IL1RAPL2: variants seen among roughly 807,000 people sequenced by gnomAD.
IL1RAPL2 encodes interleukin 1 receptor accessory protein like 2.
Under a neutral mutation model 44.1 loss-of-function variants are expected in IL1RAPL2, and 3 were observed. That is an observed-to-expected ratio of 0.07 (90% CI 0.03 to 0.18). The LOEUF (loss-of-function observed/expected upper bound fraction) is 0.18. Among genes scored for constraint, IL1RAPL2 ranks in the 10% least tolerant of loss-of-function variants. The pLI is 1.00. For missense variants in IL1RAPL2, 391 were observed against 496.4 expected (o/e 0.79, Z 2.02); for synonymous variants, 181 against 178.8 (o/e 1.01, Z -0.10).
At chrX:104,890,750 C>T (rs908589599) in intron 2 of IL1RAPL2, among the ~76,000 whole-genome samples, 1 of 111,616 alleles carries the variant, frequency 9.0e-6, no homozygotes, top group African/African-American at 3.3e-5. Flanking sequence ...CTATAGGTTG[C>T]CTGTTCACTC....
intron 4 of IL1RAPL2, among the ~76,000 whole-genome samples, chrX:105,242,796 T>C (rs1291956743): frequency 1.8e-5 from 2 of 111,536 alleles, no homozygotes; most frequent in Non-Finnish European, 3.8e-5. Context: ...ACCAAAAGTA[T>C]GATTTATTAT....
chrX:105,469,389 G>A (rs1052050883), intron 5 of IL1RAPL2, among the ~76,000 whole-genome samples: 2 of 110,501 alleles, frequency 1.8e-5, no homozygotes, highest in Non-Finnish European at 3.8e-5. Context: ...AGGTGTATTG[G>A]GTTTATTCTG....
intron 2 of IL1RAPL2, among the ~76,000 whole-genome samples, chrX:104,708,028 T>C (rs1285516990): frequency 9.0e-6 from 1 of 111,717 alleles, no homozygotes; most frequent in Non-Finnish European, 1.9e-5. Flanking sequence ...GCAGGTCTTG[T>C]CATTCTAAGA....
At chrX:105,501,457 C>T (rs978148148) in intron 6 of IL1RAPL2, among the ~76,000 whole-genome samples, 32 of 110,548 alleles carry the variant, frequency 2.9e-4, no homozygotes, top group Non-Finnish European at 1.5e-4. Context: ...AACCCCCACT[C>T]TACAAAAAAT....
intron 2 of IL1RAPL2, among the ~76,000 whole-genome samples, chrX:104,755,444 A>G (rs763303236): frequency 9.1e-6 from 1 of 110,022 alleles, no homozygotes; most frequent in South Asian, 4.0e-4. Context: ...CTGAGTGACG[A>G]GATAATCTGT....
At chrX:104,631,760 G>T (rs62589789) in intron 1 of IL1RAPL2, among the ~76,000 whole-genome samples, 5,003 of 111,297 alleles carry the variant, frequency 0.045, 139 homozygotes, top group Non-Finnish European at 0.071. Context: ...CAGATGAGTA[G>T]ATTGCAAAAA....
At chrX:104,594,189 A>G (rs892666253) in intron 1 of IL1RAPL2, among the ~76,000 whole-genome samples, 1 of 111,947 alleles carries the variant, frequency 8.9e-6, no homozygotes, top group African/African-American at 3.2e-5. Context: ...GTATCCCTAG[A>G]ACCTAGCACA....
chrX:104,956,118 CT>C (rs1235189370), intron 2 of IL1RAPL2, among the ~76,000 whole-genome samples: 1 of 112,102 alleles, frequency 8.9e-6, no homozygotes, highest in Non-Finnish European at 1.9e-5. Flanking sequence ...AGCCTGATCT[CT>C]TCTGTTGTGG....
At chrX:104,960,799 T>A in intron 2 of IL1RAPL2, among the ~76,000 whole-genome samples, 1 of 111,303 alleles carries the variant, frequency 9.0e-6, no homozygotes. Flanking sequence ...GAATTTACAT[T>A]GATTTTATGG....
At chrX:104,977,176 C>T (rs779358573) in intron 2 of IL1RAPL2, among the ~76,000 whole-genome samples, 50 of 111,789 alleles carry the variant, frequency 4.5e-4, no homozygotes, top group South Asian at 1.5e-3. Flanking sequence ...ACATGGGACC[C>T]GGATGAAGGT....
chrX:104,798,858 C>A (rs1031036673), intron 2 of IL1RAPL2, among the ~76,000 whole-genome samples: 3 of 110,879 alleles, frequency 2.7e-5, no homozygotes, highest in African/African-American at 9.8e-5. Context: ...ATTCCTTTTT[C>A]ATTGCTCTGG....
At chrX:104,828,969 G>A (rs923732669) in intron 2 of IL1RAPL2, among the ~76,000 whole-genome samples, 9 of 111,973 alleles carry the variant, frequency 8.0e-5, no homozygotes, top group African/African-American at 1.9e-4. Flanking sequence ...AATGGCAGAC[G>A]CCCCTCCCCC....
At chrX:104,569,545 C>A (rs1928106008) in intron 1 of IL1RAPL2, among the ~76,000 whole-genome samples, 1 of 112,168 alleles carries the variant, frequency 8.9e-6, no homozygotes, top group Non-Finnish European at 1.9e-5. Context: ...CCATCTGGAA[C>A]ATGTCTCCAC....
At chrX:104,693,967 A>C (rs1931137414) in intron 2 of IL1RAPL2, among the ~76,000 whole-genome samples, 1 of 111,778 alleles carries the variant, frequency 8.9e-6, no homozygotes, top group Admixed American at 9.5e-5. Context: ...ATCTTGCCAA[A>C]ACTAAAATTG....
At chrX:105,600,773 G>A (rs923920618) in intron 6 of IL1RAPL2, among the ~76,000 whole-genome samples, 2 of 110,556 alleles carry the variant, frequency 1.8e-5, no homozygotes, top group Non-Finnish European at 3.8e-5. Flanking sequence ...CTACTAAGAA[G>A]TAGAATTGCT....
intron 2 of IL1RAPL2, among the ~76,000 whole-genome samples, chrX:104,822,862 C>T (rs1236668017): frequency 9.0e-6 from 1 of 110,891 alleles, no homozygotes; most frequent in Non-Finnish European, 1.9e-5. Flanking sequence ...TGGCCATTTT[C>T]ACAATATTGA....
At chrX:104,829,786 A>G (rs999519010) in intron 2 of IL1RAPL2, among the ~76,000 whole-genome samples, 1 of 112,386 alleles carries the variant, frequency 8.9e-6, no homozygotes, top group Admixed American at 9.5e-5. Context: ...CTGTTGTCAC[A>G]TGGTCTAATC....
intron 2 of IL1RAPL2, among the ~76,000 whole-genome samples, chrX:104,906,447 T>C (rs939441138): frequency 3.6e-5 from 4 of 111,505 alleles, no homozygotes; most frequent in Non-Finnish European, 7.5e-5. Flanking sequence ...GGGTTTGTCA[T>C]AGATAGCTCT....
chrX:105,029,188 A>T (rs1448867444), intron 2 of IL1RAPL2, among the ~76,000 whole-genome samples: 7 of 106,507 alleles, frequency 6.6e-5, no homozygotes, highest in Non-Finnish European at 9.8e-5. Context: ...ATTTTATGTT[A>T]AGAGTCTTTT....
Sources: allele counts gnomAD v4.1 joint callset (sites outside exome capture counted in the v4.1 genomes callset), GRCh38; gene constraint gnomAD v4.1.1; transcripts MANE v1.5; gene names NCBI Gene and HGNC (gene_info 2026-07-23, HGNC 2026-07-21).